Variants in FERMT1 observed in about 807,000 individuals in gnomAD.
FERMT1 encodes the protein fermitin family homolog 1.
A neutral mutation model predicts 85.3 loss-of-function variants in FERMT1; 60 were observed. The observed-to-expected ratio is 0.70, with a 90% CI of 0.57 to 0.87. The LOEUF (loss-of-function observed/expected upper bound fraction) is 0.87. FERMT1 is among the 40% of genes least tolerant of loss of function. The pLI, the probability that FERMT1 is intolerant of heterozygous loss-of-function variation, is 0.00. For synonymous variants in FERMT1, 275 were observed against 301.1 expected, an observed-to-expected ratio of 0.91 and a Z score of 0.90; for missense variants, 701 against 818.9, an observed-to-expected ratio of 0.86 and a Z score of 1.76.
At chr20:6,082,367 C>T (rs1456648832) in intron 13 of FERMT1, among the ~76,000 whole-genome samples, 1 of 152,134 alleles carries the variant, frequency 6.6e-6, no homozygotes, top group Non-Finnish European at 1.5e-5. Context: ...CAAAAATGCC[C>T]GGGTCACAGA....
intron 11 of FERMT1, among the ~76,000 whole-genome samples, chr20:6,085,681 G>A (rs1042990948): frequency 2.0e-5 from 3 of 152,020 alleles, no homozygotes; most frequent in Non-Finnish European, 4.4e-5. Flanking sequence ...GAAACCCTGT[G>A]TCTACTAAAA....
chr20:6,104,014 G>A lies in FERMT1; in HGVS notation c.849+3518C>T, dbSNP rs944245466. Among the ~76,000 whole-genome samples the A allele has an allele frequency of 6.6e-6, 1 of 151,906 alleles. No individual in the cohort carries two copies. Among genetic ancestry groups the A allele is most frequent in the Non-Finnish European group, 1.5e-5 (1 of 67,978 alleles). On this transcript the variant is annotated intron_variant, in intron 6 of 14. Transcript: ENST00000217289. This position sits in a 1 kb window ranked among gnomAD's most constrained non-coding sequence, Gnocchi z 4.2. ...TTCTCCCAAGTAGCTGGGATTGCAG[G>A]CACATGCCATCATGCCTGGCTAATT...
chr20:6,081,248 T>G (rs1981987570), intron 13 of FERMT1, among the ~76,000 whole-genome samples: 1 of 145,834 alleles, frequency 6.9e-6, no homozygotes, highest in African/African-American at 2.5e-5. Context: ...TGTGACAGAG[T>G]GAGATCCTGC....
intron 9 of FERMT1, among the ~76,000 whole-genome samples, chr20:6,090,705 C>T (rs1982332480): frequency 6.6e-6 from 1 of 151,900 alleles, no homozygotes; most frequent in African/African-American, 2.4e-5. Context: ...CCCTGGGTGA[C>T]AGAGTAAGGA....
At position 6,119,513 on chromosome 20, in the gene FERMT1, A is replaced by G. The variant is rs1382381953; in HGVS notation, c.42T>C (p.Leu14=). The change falls in exon 2 of 15, where the codon CTT becomes CTC. Residue 14 remains leucine, a synonymous_variant. Transcript: ENST00000217289. The part of the protein sequence containing the change: ...STDFTFASWE[L]VVRVDHPNEE... Reference sequence around the variant, plus strand: ...CATTGGGATGGTCAACGCGGACCACAAGCTCCCAGGAAGCAAATGTAAAGT... The same window carrying G: ...CATTGGGATGGTCAACGCGGACCACGAGCTCCCAGGAAGCAAATGTAAAGT... 6.2e-7 allele frequency: 1 copy of G among 1,614,200 alleles called. No homozygotes were observed. Among genetic ancestry groups the G allele is most frequent in the Admixed American group, 1.7e-5 (1 of 60,028 alleles).
At chr20:6,080,320 G>T (rs536914958) in intron 13 of FERMT1, among the ~76,000 whole-genome samples, 1 of 152,132 alleles carries the variant, frequency 6.6e-6, no homozygotes, top group Non-Finnish European at 1.5e-5. Context: ...TTGTGTGTGT[G>T]TGTGTCTTGT....
At chr20:6,121,173 A>G (rs1983262281) in intron 1 of FERMT1, among the ~76,000 whole-genome samples, 2 of 152,152 alleles carry the variant, frequency 1.3e-5, no homozygotes, top group Admixed American at 1.3e-4. Flanking sequence ...CCCAGGCTGG[A>G]GTGCAGTGGC....
In FERMT1 at chr20:6,116,031, G is replaced by A. The variant is rs1434527277; in HGVS notation, c.165C>T (p.Asp55=). The A allele has an allele frequency of 1.9e-6, 3 of 1,613,598 alleles. No individual in the cohort carries two copies. The African/African-American group carries it at 4.0e-5, about 22-fold the overall frequency. ...KLVEQINISQ[D]WSDFALWWEQ... ...CCCACCAAAGAGCAAAGTCTGACCA[G>A]TCTTGGGATATATCTGCAAAAATGA... Residue 55 remains aspartate (D), a synonymous_variant, in exon 3 of 15, where the codon GAC becomes GAT. Coordinates refer to ENST00000217289, the MANE Select transcript of FERMT1 (RefSeq NM_017671.5).
chr20:6,111,220 C>T (rs1437596353), intron 4 of FERMT1, among the ~76,000 whole-genome samples: 2 of 152,138 alleles, frequency 1.3e-5, no homozygotes, highest in Non-Finnish European at 2.9e-5. Context: ...TCAGGTAGCC[C>T]CTTAAACAAA....
At chr20:6,118,883 C>T (rs1354331845) in intron 2 of FERMT1, among the ~76,000 whole-genome samples, 1 of 152,078 alleles carries the variant, frequency 6.6e-6, no homozygotes, top group African/African-American at 2.4e-5. Context: ...GAATGGGTCC[C>T]ATCCCTGTTG....
Position 6,096,782 on chromosome 20 carries a change from C to CT in FERMT1, c.1089+119dup, listed in dbSNP as rs202086138. 0.11 allele frequency: 56,370 copies of CT among 525,926 alleles called. 318 individuals carry two copies. Among genetic ancestry groups the CT allele is most frequent in the South Asian group, 0.17 (9,246 of 54,758 alleles). The allele number at this position is 525,926 out of a possible 1,614,324, so 32.6% of individuals were successfully genotyped here. ...TTGAAGCTTGTTAGGTGAAGAGCATCTTTTTTTTTTTTTTTTTTTCAAAAT... is the reference window on the plus strand; with the variant it reads ...TTGAAGCTTGTTAGGTGAAGAGCATCTTTTTTTTTTTTTTTTTTTTCAAAAT... On this transcript the variant is annotated intron_variant, in intron 8 of 14. Coordinates refer to ENST00000217289, the MANE Select transcript of FERMT1 (RefSeq NM_017671.5).
chr20:6,079,601 T>C (rs752523639), intron 13 of FERMT1, 24 bp from the exon 14 acceptor site: 2 of 1,606,372 alleles, frequency 1.2e-6, no homozygotes, highest in Non-Finnish European at 1.7e-6. Flanking sequence ...TAATATTAGT[T>C]AAGAGAAGCA....
At chr20:6,102,679 G>GA (rs769578429) in intron 6 of FERMT1, among the ~76,000 whole-genome samples, 147 of 50,700 alleles carry the variant, frequency 2.9e-3, no homozygotes, top group African/African-American at 5.4e-3. Context: ...TGTGTCTCAA[G>GA]AAAAAAAAAA....
At chr20:6,083,687 A>T (rs1358449859) in intron 13 of FERMT1, among the ~76,000 whole-genome samples, 3 of 120,050 alleles carry the variant, frequency 2.5e-5, no homozygotes, top group African/African-American at 9.7e-5. Context: ...CCCACACCCG[A>T]TCTCTTAAAA....
chr20:6,108,926 G>T (rs1982868994), intron 5 of FERMT1, among the ~76,000 whole-genome samples: 1 of 152,054 alleles, frequency 6.6e-6, no homozygotes, highest in Non-Finnish European at 1.5e-5. Context: ...TGCCAGCTCT[G>T]TATTACTGTC....
chr20:6,100,439 T>A (rs1240351789), intron 6 of FERMT1, among the ~76,000 whole-genome samples: 10 of 151,838 alleles, frequency 6.6e-5, no homozygotes, highest in Non-Finnish European at 1.2e-4. Context: ...TACTCAGGGC[T>A]GGGAGGGTAG....
chr20:6,118,472 T>A (rs1005474874), intron 2 of FERMT1, among the ~76,000 whole-genome samples: 1 of 152,058 alleles, frequency 6.6e-6, no homozygotes, highest in Non-Finnish European at 1.5e-5. Context: ...TTTGTGAAAA[T>A]CCATTGAACT....
At chr20:6,102,026 C>T (rs1175621890) in intron 6 of FERMT1, among the ~76,000 whole-genome samples, 2 of 151,972 alleles carry the variant, frequency 1.3e-5, no homozygotes, top group East Asian at 1.9e-4. Context: ...CCATCTTAAC[C>T]ATCCGCCTAC....
At chr20:6,090,623 G>A (rs1272600185) in intron 9 of FERMT1, among the ~76,000 whole-genome samples, 2 of 152,056 alleles carry the variant, frequency 1.3e-5, no homozygotes, top group African/African-American at 4.8e-5. Flanking sequence ...GCGTGGTGGT[G>A]TGTCTATAGT....
Sources: allele counts gnomAD v4.1 joint callset (sites outside exome capture counted in the v4.1 genomes callset), GRCh38; gene constraint gnomAD v4.1.1; non-coding constraint Gnocchi (gnomAD v3.1); transcripts MANE v1.5; gene names NCBI Gene and HGNC (gene_info 2026-07-23, HGNC 2026-07-21).